Variants in CCDC124 observed in about 807,000 individuals in gnomAD.
CCDC124 encodes the protein coiled-coil domain-containing protein 124.
Under a neutral mutation model 19.8 loss-of-function variants are expected in CCDC124, and 9 were observed. The observed-to-expected ratio is 0.45, with a 90% confidence interval of 0.27 to 0.79. The LOEUF (loss-of-function observed/expected upper bound fraction) is 0.79. Among genes scored for constraint, CCDC124 ranks in the 30% least tolerant of loss-of-function variants. The probability of loss-of-function intolerance (pLI) is 0.14; values close to 1 mark genes in which losing one functional copy is unlikely to be tolerated. For missense variants in CCDC124, 285 were observed against 319.0 expected (o/e 0.89, Z 0.81); for synonymous variants, 126 against 131.3 (o/e 0.96, Z 0.27).
rs996839543 is a variant in CCDC124 at position 17,943,679 on chromosome 19, G to T, written c.636G>T (p.Met212Ile). The T allele has an allele frequency of 2.9e-5, 47 of 1,612,854 alleles. No individual in the cohort carries two copies. Among genetic ancestry groups the T allele is most frequent in the Non-Finnish European group, 4.0e-5 (47 of 1,179,954 alleles). Residue 212 changes from methionine to isoleucine, a missense_variant, in exon 5 of 5, where the codon ATG becomes ATT. Met to Ile is a conservative substitution (Grantham distance 10). Transcript: ENST00000445755. ...KEWLRSPDNP[M>I]NQRAVPFNAP... ...GGCTCCGCTCTCCTGACAACCCCAT[G>T]AACCAGCGGGCCGTGCCCTTCAATG...
At chr19:17,939,133 G>A (rs1178920814) in intron 2 of CCDC124, among the ~76,000 whole-genome samples, 10 of 152,100 alleles carry the variant, frequency 6.6e-5, no homozygotes, top group South Asian at 2.1e-4. Flanking sequence ...GGTGGCTCAC[G>A]CCTGTCATCC....
chr19:17,942,652 G>A lies in CCDC124; in HGVS notation c.160-4G>A. 13 of 1,553,960 alleles carry A rather than the reference G, an allele frequency of 8.4e-6. No homozygotes were observed. The highest frequency in any genetic ancestry group is 1.1e-5 in the Non-Finnish European group (13 of 1,148,822). On this transcript the variant is annotated splice_region_variant and splice_polypyrimidine_tract_variant and intron_variant, in intron 2 of 4. Coordinates refer to ENST00000445755, the MANE Select transcript of CCDC124 (RefSeq NM_001136203.2). This position sits in a 1 kb window ranked among gnomAD's most constrained non-coding sequence, Gnocchi z 4.2. ...CTGCCTGACCATGCACGCCGCCCCC[G>A]CAGGAGGAGAAGGAGAAGCGGCGCC...
chr19:17,943,516 A>T lies in CCDC124; in HGVS notation c.473A>T (p.Glu158Val), dbSNP rs1244697507. ...EDAIAVLSVA[E>V]EAADRHPERR... ...CTCATGTCCACCCCCAGCGTGGCGG[A>T]GGAGGCGGCCGACCGGCACCCAGAA... Residue 158 changes from glutamate (E) to valine (V), a missense_variant, in exon 5 of 5, where the codon GAG (glutamate) becomes GTG (valine). Physicochemically the swap from Glu to Val is moderately radical, Grantham distance 121 (BLOSUM62 -2). Transcript: ENST00000445755. The T allele has an allele frequency of 6.2e-7, 1 of 1,610,970 alleles. No individual in the cohort carries two copies. The highest frequency in any genetic ancestry group is 8.5e-7 in the Non-Finnish European group (1 of 1,179,546).
chr19:17,937,932 C>T (rs1190748531), intron 2 of CCDC124, among the ~76,000 whole-genome samples: 4 of 152,126 alleles, frequency 2.6e-5, no homozygotes, highest in African/African-American at 7.2e-5. Context: ...GGGGTTTCTC[C>T]AGGTTGGTCA....
chr19:17,943,817 G>A lies in CCDC124; in HGVS notation c.*102G>A. ...GCGAGGGTCACAGAGCGTTCCGGGGGCCAAGGCGCCGGGCCCCGGGGCCAT... is the reference window on the plus strand; with the variant it reads ...GCGAGGGTCACAGAGCGTTCCGGGGACCAAGGCGCCGGGCCCCGGGGCCAT... On this transcript the variant is annotated 3_prime_UTR_variant, in exon 5 of 5. Transcript: ENST00000445755. The A allele has an allele frequency of 1.6e-6, 2 of 1,215,588 alleles. No homozygotes were observed. Among genetic ancestry groups the A allele is most frequent in the Non-Finnish European group, 2.3e-6 (2 of 859,068 alleles). 75.3% of individuals were successfully genotyped at this position (1,215,588 alleles called of 1,614,324 possible). A position where few individuals can be genotyped will look rare whatever the true frequency, so the allele number is the denominator to read the frequency against.
chr19:17,943,755 A>G lies in CCDC124; in HGVS notation c.*40A>G, dbSNP rs747139709. 1 of 1,585,238 alleles carries G rather than the reference A, an allele frequency of 6.3e-7. No homozygotes were observed. Among genetic ancestry groups the G allele is most frequent in the Non-Finnish European group, 8.6e-7 (1 of 1,160,326 alleles). The stretch of plus-strand genomic sequence containing the variant: ...GAGCCAGTTCACCCACGGGTGGTCC[A>G]GGTCACGACTCTGCACGCCCTTAGG... On this transcript the variant is annotated 3_prime_UTR_variant, in exon 5 of 5. Coordinates refer to ENST00000445755, the MANE Select transcript of CCDC124 (RefSeq NM_001136203.2).
At chr19:17,936,660 G>A (rs1331326070) in intron 2 of CCDC124, 81 bp downstream of exon 2, 33 of 1,492,728 alleles carry the variant, frequency 2.2e-5, no homozygotes, top group Non-Finnish European at 2.7e-5. Flanking sequence ...GGTGAATAGC[G>A]AGAGGGCCCT....
At position 17,942,181 on chromosome 19, in the gene CCDC124, C is replaced by T. The variant is rs1198919349; in HGVS notation, c.160-475C>T. On this transcript the variant is annotated intron_variant, in intron 2 of 4. Transcript: ENST00000445755. The surrounding 1 kb of genome is among the most constrained non-coding windows in gnomAD (Gnocchi z 4.2). ...GCAGAGCCCCTGCCCTAGCCTGAAA[C>T]GGGTCCAGGCCTCCCACGGCTCTTA... 1.3e-5 allele frequency among the ~76,000 whole-genome samples: 2 copies of T among 152,132 alleles called. No homozygotes were observed. The highest frequency in any genetic ancestry group is 1.5e-5 in the Non-Finnish European group (1 of 68,008).
Position 17,943,257 on chromosome 19 carries a change from C to A in CCDC124, c.350-4C>A, listed in dbSNP as rs1185247191. On this transcript the variant is annotated splice_region_variant and splice_polypyrimidine_tract_variant and intron_variant, in intron 3 of 4. Coordinates refer to ENST00000445755, the MANE Select transcript of CCDC124 (RefSeq NM_001136203.2). Reference sequence around the variant, plus strand: ...CTGTCTCTGTCACCCACCCACCCGCCCAGCCGAGAAAGCCAAGAGCCATCT... The same window carrying A: ...CTGTCTCTGTCACCCACCCACCCGCACAGCCGAGAAAGCCAAGAGCCATCT... The A allele has an allele frequency of 2.7e-6, 4 of 1,506,474 alleles. No homozygotes were observed. The South Asian group carries it at 3.6e-5, about 14-fold the overall frequency. The allele number at this position is 1,506,474 out of a possible 1,614,324, so 93.3% of individuals were successfully genotyped here.
rs2147781817 is a variant in CCDC124, at chr19:17,942,631, C to T, written c.160-25C>T. On this transcript the variant is annotated intron_variant, in intron 2 of 4. Transcript: ENST00000445755. The surrounding 1 kb of genome is among the most constrained non-coding windows in gnomAD (Gnocchi z 4.2). The stretch of plus-strand genomic sequence containing the variant: ...GGCGCGGGGGTGTGGGGTCTTCTGC[C>T]TGACCATGCACGCCGCCCCCGCAGG... 1 of 1,550,280 alleles carries T rather than the reference C, an allele frequency of 6.5e-7. No individual in the cohort carries two copies. Among genetic ancestry groups the T allele is most frequent in the Non-Finnish European group, 8.7e-7 (1 of 1,147,272 alleles).
rs765988709 is a variant in CCDC124, at chr19:17,936,496, G to A, written c.76G>A (p.Ala26Thr). ...RARRAEAKAA[A>T]DAKKQKELED... ...ACGTAGGGCAGAGGCCAAGGCGGCC[G>A]CTGATGCCAAGAAGCAGAAGGAGCT... Residue 26 changes from alanine (A) to threonine (T), a missense_variant, in exon 2 of 5, where the codon GCT becomes ACT. By Grantham distance (58) the Ala-to-Thr change is moderately conservative (BLOSUM62 0). Transcript: ENST00000445755. 173 of 1,613,108 alleles carry A rather than the reference G, an allele frequency of 1.1e-4. No homozygotes were observed. The highest frequency in any genetic ancestry group is 1.4e-4 in the Non-Finnish European group (164 of 1,179,752).
chr19:17,942,922 C>T lies in CCDC124; in HGVS notation c.349+77C>T. 1 of 1,436,872 alleles carries T rather than the reference C, an allele frequency of 7.0e-7. No individual in the cohort carries two copies. The highest frequency in any genetic ancestry group is 9.2e-7 in the Non-Finnish European group (1 of 1,090,486). 89.0% of individuals were successfully genotyped at this position (1,436,872 alleles called of 1,614,324 possible). A position where few individuals can be genotyped will look rare whatever the true frequency, so the allele number is the denominator to read the frequency against. On this transcript the variant is annotated intron_variant, in intron 3 of 4. Coordinates refer to ENST00000445755, the MANE Select transcript of CCDC124 (RefSeq NM_001136203.2). The surrounding 1 kb of genome is among the most constrained non-coding windows in gnomAD (Gnocchi z 4.2). ...TGGACCTTGAGTCCATTAGCCCCCT[C>T]CTGGCCCCCAGAGAAGCTGCCGGGG...
At chr19:17,936,382 C>A (rs769135092) in intron 1 of CCDC124, 28 bp from the exon 2 acceptor site, 8 of 1,579,270 alleles carry the variant, frequency 5.1e-6, no homozygotes, top group Non-Finnish European at 6.0e-6. Context: ...CCGGCCCCTG[C>A]TCCCCCATCC....
chr19:17,940,987 C>T (rs558570949), intron 2 of CCDC124, among the ~76,000 whole-genome samples: 1 of 151,350 alleles, frequency 6.6e-6, no homozygotes, highest in African/African-American at 2.4e-5. Flanking sequence ...GAGGAGCTTG[C>T]AGTGAGCCGA....
intron 3 of CCDC124, among the ~76,000 whole-genome samples, chr19:17,943,056 C>G (rs1409957982): frequency 6.6e-6 from 1 of 152,076 alleles, no homozygotes; most frequent in African/African-American, 2.4e-5. Context: ...GCAGGGCTGC[C>G]GGAAAGTAAG....
chr19:17,941,597 C>G (rs189020765), intron 2 of CCDC124, among the ~76,000 whole-genome samples: 1 of 151,948 alleles, frequency 6.6e-6, no homozygotes, highest in Non-Finnish European at 1.5e-5. Context: ...TGCCTCTGAC[C>G]GAGGGGGAAA....
chr19:17,936,157 G>T, intron 1 of CCDC124: 1 of 349,740 alleles, frequency 2.9e-6, no homozygotes, highest in African/African-American at 2.1e-5. Flanking sequence ...CGCCCGCCTC[G>T]GCCTCCCAAA....
intron 1 of CCDC124, among the ~76,000 whole-genome samples, chr19:17,934,904 CCTTGTTT>C (rs2147777653): frequency 3.1e-5 from 1 of 32,476 alleles, no homozygotes; most frequent in East Asian, 6.8e-4. Context: ...TGCCTTGTTT[CCTTGTTT>C]CCTTTTTTTT....
At chr19:17,936,631 T>G in intron 2 of CCDC124, 52 bp downstream of exon 2, 2 of 1,567,504 alleles carry the variant, frequency 1.3e-6, no homozygotes, top group Non-Finnish European at 1.7e-6. Flanking sequence ...CCAAGGCCAG[T>G]GGTCATTATG....
Sources: allele counts gnomAD v4.1 joint callset (sites outside exome capture counted in the v4.1 genomes callset), GRCh38; gene constraint gnomAD v4.1.1; non-coding constraint Gnocchi (gnomAD v3.1); transcripts MANE v1.5; gene names NCBI Gene and HGNC (gene_info 2026-07-23, HGNC 2026-07-21).